Variants in CLTCL1 observed in about 807,000 individuals in gnomAD.
The protein encoded by CLTCL1 is clathrin heavy chain 2.
A neutral mutation model predicts 190.0 loss-of-function variants in CLTCL1; 159 were observed. The observed-to-expected ratio is 0.84, with a 90% CI of 0.74 to 0.95. The LOEUF is 0.95. Ranked by LOEUF, CLTCL1 falls within the 40% of genes least tolerant of loss-of-function variation. The pLI, the probability that CLTCL1 is intolerant of heterozygous loss-of-function variation, is 0.00. For synonymous variants in CLTCL1, 752 were observed against 769.6 expected (o/e 0.98, Z 0.38); for missense variants, 1,878 against 2,033.4 (o/e 0.92, Z 1.47).
chr22:19,229,279 A>G (rs1308002158), intron 11 of CLTCL1, among the ~76,000 whole-genome samples: 1 of 152,264 alleles, frequency 6.6e-6, no homozygotes, highest in African/African-American at 2.4e-5. Context: ...TGTTTCTAAC[A>G]CATGCTACAA....
chr22:19,191,144 G>T (rs2084489167), intron 27 of CLTCL1, among the ~76,000 whole-genome samples, 160 bp downstream of exon 27: 1 of 152,190 alleles, frequency 6.6e-6, no homozygotes, highest in Non-Finnish European at 1.5e-5. Flanking sequence ...GATACGGGAG[G>T]TATTCCTGTA....
intron 20 of CLTCL1, among the ~76,000 whole-genome samples, chr22:19,209,743 A>T (rs570114888): frequency 1.3e-5 from 2 of 152,362 alleles, no homozygotes; most frequent in African/African-American, 4.8e-5. Flanking sequence ...ACAGCAGTTC[A>T]GGTGAGATGT....
intron 3 of CLTCL1, among the ~76,000 whole-genome samples, chr22:19,245,249 A>AGTGGC (rs1435279248): frequency 2.2e-5 from 3 of 135,020 alleles, no homozygotes; most frequent in African/African-American, 8.5e-5. Context: ...GATGGAGTGC[A>AGTGGC]GTGGCGTGAC....
At chr22:19,269,955 A>G (rs2087253224) in intron 2 of CLTCL1, among the ~76,000 whole-genome samples, 1 of 152,134 alleles carries the variant, frequency 6.6e-6, no homozygotes, top group South Asian at 2.1e-4. Context: ...ATTAAAAAAA[A>G]AAAAAAGAAA....
chr22:19,231,159 C>G (rs552642174), intron 10 of CLTCL1, among the ~76,000 whole-genome samples: 1 of 152,356 alleles, frequency 6.6e-6, no homozygotes, highest in African/African-American at 2.4e-5. Flanking sequence ...AAGGTCTCCT[C>G]TAGCTTGCAG....
At chr22:19,289,663 G>GA (rs142915604) in intron 1 of CLTCL1, among the ~76,000 whole-genome samples, 3,718 of 152,242 alleles carry the variant, frequency 0.024, 166 homozygotes, top group African/African-American at 0.084. Flanking sequence ...CAACAAGACA[G>GA]AAGGATGAAA....
intron 22 of CLTCL1, among the ~76,000 whole-genome samples, chr22:19,205,087 T>C (rs1226499996): frequency 1.1e-5 from 1 of 87,394 alleles, no homozygotes; most frequent in Non-Finnish European, 2.1e-5. Flanking sequence ...ACATGATCAC[T>C]GATTAAAAAA....
chr22:19,229,181 G>A (rs868938990), intron 11 of CLTCL1, among the ~76,000 whole-genome samples: 1 of 152,162 alleles, frequency 6.6e-6, no homozygotes, highest in South Asian at 2.1e-4. Flanking sequence ...AAAGGTAGAA[G>A]CAACCCAAAT....
Position 19,180,716 on chromosome 22 carries a change from A to C in CLTCL1, c.4903+15T>G. On this transcript the variant is annotated intron_variant, in intron 31 of 32. Transcript: ENST00000427926. ...CTCCCTCCCCAGGGGGTTGGGGGCT[A>C]CAGGTGCCACCTACCAAACACGAGA... 6.2e-7 allele frequency: 1 copy of C among 1,613,336 alleles called. No homozygotes were observed. The highest frequency in any genetic ancestry group is 8.5e-7 in the Non-Finnish European group (1 of 1,179,486).
intron 1 of CLTCL1, among the ~76,000 whole-genome samples, chr22:19,291,199 TCA>T (rs2088105024): frequency 6.6e-6 from 1 of 152,226 alleles, no homozygotes; most frequent in Admixed American, 6.5e-5. Flanking sequence ...CGAAAACCGA[TCA>T]CAGAGGCAAA....
chr22:19,199,972 G>C (rs2084828908), intron 23 of CLTCL1, 131 bp from the exon 24 acceptor site: 1 of 603,364 alleles, frequency 1.7e-6, no homozygotes. Context: ...TTCTGAACAA[G>C]TAGCTAACTC....
intron 4 of CLTCL1, among the ~76,000 whole-genome samples, chr22:19,239,594 A>G (rs1165012355): frequency 6.6e-6 from 1 of 152,238 alleles, no homozygotes; most frequent in African/African-American, 2.4e-5. Flanking sequence ...CATGGCACAA[A>G]GGGCCAATGC....
intron 11 of CLTCL1, among the ~76,000 whole-genome samples, chr22:19,226,729 CTTT>C (rs1555956265): frequency 6.6e-6 from 1 of 152,060 alleles, no homozygotes; most frequent in Non-Finnish European, 1.5e-5. Flanking sequence ...CAATCACATT[CTTT>C]TTTTCCTTTT....
intron 18 of CLTCL1, among the ~76,000 whole-genome samples, chr22:19,218,786 C>G (rs1370257558): frequency 6.6e-6 from 1 of 152,234 alleles, no homozygotes; most frequent in East Asian, 1.9e-4. Flanking sequence ...GTGGGAAGCC[C>G]TCCCAGAGGC....
intron 26 of CLTCL1, among the ~76,000 whole-genome samples, chr22:19,191,737 A>C (rs1424509453): frequency 2.0e-5 from 3 of 152,164 alleles, no homozygotes; most frequent in Non-Finnish European, 4.4e-5. Flanking sequence ...AATGAAGTGT[A>C]ATCAGTCAGA....
Position 19,233,542 on chromosome 22 carries a change from C to A in CLTCL1, c.1248G>T (p.Gln416His). 1 of 1,613,946 alleles carries A rather than the reference C, an allele frequency of 6.2e-7. No homozygotes were observed. The highest frequency in any genetic ancestry group is 8.5e-7 in the Non-Finnish European group (1 of 1,179,894). Residue 416 changes from glutamine to histidine, a missense_variant, in exon 8 of 33, where the codon CAG becomes CAT. By Grantham distance (24) the Gln-to-His change is conservative (BLOSUM62 0). Transcript: ENST00000427926. ...AQSGQASPLLQYFGILLDQGQ... is the reference protein window; with the variant it reads ...AQSGQASPLLHYFGILLDQGQ... ...CCTGGTCGAGCAGGATTCCGAAGTA[C>A]TGCAGCAATGGAGAAGCCTGGCCAG...
At chr22:19,282,541 G>A (rs1304992099) in intron 1 of CLTCL1, among the ~76,000 whole-genome samples, 1 of 147,706 alleles carries the variant, frequency 6.8e-6, no homozygotes, top group African/African-American at 2.5e-5. Context: ...AGGAGGCCGA[G>A]GCAGGAGAAC....
chr22:19,246,122 C>T (rs191916151), intron 3 of CLTCL1, among the ~76,000 whole-genome samples: 3 of 152,188 alleles, frequency 2.0e-5, no homozygotes, highest in African/African-American at 4.8e-5. Flanking sequence ...TGCAGTGGTG[C>T]GATCTTGGCT....
In CLTCL1 at chr22:19,227,854, T is replaced by C. The variant is rs997619272; in HGVS notation, c.1783-1471A>G. On this transcript the variant is annotated intron_variant, in intron 11 of 32. Coordinates refer to ENST00000427926, the MANE Select transcript of CLTCL1 (RefSeq NM_007098.4). ...CTCTGCTCACCTTGGCCTCCAAAAA[T>C]GCTGGGGTTATAGGCGCGAGCCACT... 2.0e-5 allele frequency among the ~76,000 whole-genome samples: 3 copies of C among 152,308 alleles called. No individual in the cohort carries two copies. In the East Asian group the frequency reaches 5.8e-4, roughly 29 times the overall value.
Sources: gnomAD v4.1 joint callset for allele counts (sites outside exome capture counted in the v4.1 genomes callset) on GRCh38, gnomAD v4.1.1 for gene constraint, MANE v1.5 for transcripts, NCBI Gene and HGNC (gene_info 2026-07-23, HGNC 2026-07-21) for gene names.